The following DOCK3 variants were observed in gnomAD, a reference collection of about 807,000 sequenced individuals.
The protein encoded by DOCK3 is dedicator of cytokinesis protein 3.
Under a neutral mutation model 265.6 loss-of-function variants are expected in DOCK3, and 60 were observed. That is an observed-to-expected ratio of 0.23 (90% CI 0.18 to 0.28). DOCK3 has a LOEUF of 0.28. DOCK3 is among the 10% of genes least tolerant of loss of function. The pLI, the probability that DOCK3 is intolerant of heterozygous loss-of-function variation, is 1.00. For synonymous variants in DOCK3, 881 were observed against 938.0 expected, an observed-to-expected ratio of 0.94 and a Z score of 1.11; for missense variants, 1,981 against 2,594.3, an observed-to-expected ratio of 0.76 and a Z score of 5.14.
chr3:50,953,804 G>A (rs895055371), intron 5 of DOCK3, among the ~76,000 whole-genome samples: 2 of 152,078 alleles, frequency 1.3e-5, no homozygotes, highest in East Asian at 3.8e-4. Flanking sequence ...TTGGTAACTA[G>A]CACAGTTCAT....
intron 2 of DOCK3, among the ~76,000 whole-genome samples, chr3:50,824,122 ATT>A (rs1376077801): frequency 6.6e-6 from 1 of 152,208 alleles, no homozygotes; most frequent in East Asian, 1.9e-4. Flanking sequence ...TTTGAGAGCC[ATT>A]TACAAATTCT....
chr3:51,326,587 TTGTTG>T (rs1560441274), intron 32 of DOCK3, among the ~76,000 whole-genome samples: 4 of 6,990 alleles, frequency 5.7e-4, no homozygotes, highest in Non-Finnish European at 2.5e-3. Flanking sequence ...GCATGTTTTG[TTGTTG>T]TTGTTGTTGT....
At chr3:50,922,578 A>G (rs184862810) in intron 4 of DOCK3, among the ~76,000 whole-genome samples, 1 of 152,166 alleles carries the variant, frequency 6.6e-6, no homozygotes, top group African/African-American at 2.4e-5. Context: ...TGAACCCGGT[A>G]CCTCAATTGG....
chr3:50,812,071 G>A (rs1328974589), intron 2 of DOCK3, among the ~76,000 whole-genome samples: 2 of 152,182 alleles, frequency 1.3e-5, no homozygotes, highest in African/African-American at 2.4e-5. Context: ...TGCTGGTGGC[G>A]GTGAAACTTG....
rs1401601318 is a variant in DOCK3, at chr3:51,361,831, C to T, written c.5007-28C>T. ...CCTGCCACCTGCCATGGGCCTGACT[C>T]CTCCCTATTTCCCACTCTTGCTCAC... On this transcript the variant is annotated intron_variant, in intron 47 of 52. Transcript: ENST00000266037. This position sits in a 1 kb window ranked among gnomAD's most constrained non-coding sequence, Gnocchi z 4.2. The T allele has an allele frequency of 8.1e-6, 13 of 1,607,496 alleles. No homozygotes were observed. The Admixed American group carries it at 2.0e-4, about 25-fold the overall frequency.
Position 51,316,665 on chromosome 3 carries a change from T to C in DOCK3, c.3402+1537T>C, listed in dbSNP as rs539407074. Among the ~76,000 whole-genome samples the C allele has an allele frequency of 1.4e-3, 206 of 152,344 alleles. 1 individual carries two copies. The highest frequency in any genetic ancestry group is 0.01 in the Middle Eastern group (3 of 294). ...TGTTTTAGCCATTCTAATAGGTGTG[T>C]AGTTGTATATCATTGTGGTTTTCAT... On this transcript the variant is annotated intron_variant, in intron 32 of 52. Coordinates refer to ENST00000266037, the MANE Select transcript of DOCK3 (RefSeq NM_004947.5).
chr3:51,301,321 C>A lies in DOCK3; in HGVS notation c.2923-8911C>A, dbSNP rs1303633191. Among the ~76,000 whole-genome samples, 3 of 151,280 alleles carry A rather than the reference C, an allele frequency of 2.0e-5. No individual in the cohort carries two copies. In the East Asian group the frequency reaches 5.8e-4, roughly 29 times the overall value. ...TTCTTTATTAATCTAGCTAGCAGTC[C>A]ATTTATGTTATTAATTTTTTCAAAA... On this transcript the variant is annotated intron_variant, in intron 27 of 52. Coordinates refer to ENST00000266037, the MANE Select transcript of DOCK3 (RefSeq NM_004947.5).
At chr3:51,208,235 A>G (rs1171856766) in intron 12 of DOCK3, among the ~76,000 whole-genome samples, 1 of 152,224 alleles carries the variant, frequency 6.6e-6, no homozygotes, top group Non-Finnish European at 1.5e-5. Flanking sequence ...TGGTAAATCA[A>G]GCCCACTGCT....
intron 43 of DOCK3, 121 bp downstream of exon 43, chr3:51,356,614 C>T (rs1044284171): frequency 1.1e-6 from 1 of 943,478 alleles, no homozygotes; most frequent in African/African-American, 1.6e-5. Flanking sequence ...CCAAGGCTCC[C>T]ACAGGTCAAC....
At chr3:51,113,690 C>G (rs535066630) in intron 9 of DOCK3, among the ~76,000 whole-genome samples, 1 of 152,200 alleles carries the variant, frequency 6.6e-6, no homozygotes, top group South Asian at 2.1e-4. Context: ...TCCCTCATAC[C>G]CCAACACTGA....
chr3:51,347,356 T>G (rs2085658774), intron 38 of DOCK3, among the ~76,000 whole-genome samples: 1 of 152,226 alleles, frequency 6.6e-6, no homozygotes. Flanking sequence ...TTTCTACATA[T>G]GGCTAGCCAG....
At chr3:51,042,869 A>G (rs1283346875) in intron 5 of DOCK3, among the ~76,000 whole-genome samples, 1 of 152,180 alleles carries the variant, frequency 6.6e-6, no homozygotes, top group Non-Finnish European at 1.5e-5. Flanking sequence ...TAAAACACCT[A>G]GGAGTACAGC....
chr3:51,053,749 GT>G (rs1316341786), intron 5 of DOCK3, among the ~76,000 whole-genome samples: 11 of 151,990 alleles, frequency 7.2e-5, no homozygotes, highest in African/African-American at 2.7e-4. Context: ...CCAATGTTTA[GT>G]TGTTACTATG....
chr3:50,920,653 G>T (rs943218397), intron 4 of DOCK3, among the ~76,000 whole-genome samples: 1 of 151,900 alleles, frequency 6.6e-6, no homozygotes. Flanking sequence ...TTCTTTATTA[G>T]TCTTGCTAAC....
intron 4 of DOCK3, among the ~76,000 whole-genome samples, chr3:50,893,443 A>G (rs2048736925): frequency 6.6e-6 from 1 of 152,170 alleles, no homozygotes; most frequent in Non-Finnish European, 1.5e-5. Flanking sequence ...CAAAGAATCA[A>G]ACATAAATTC....
At chr3:51,360,158 C>T (rs1421630107) in intron 46 of DOCK3, among the ~76,000 whole-genome samples, 1 of 152,202 alleles carries the variant, frequency 6.6e-6, no homozygotes, top group Admixed American at 6.5e-5. Context: ...ATAATAAGCT[C>T]TTCCTCTCCT....
chr3:50,746,416 T>G (rs910943043), intron 1 of DOCK3, among the ~76,000 whole-genome samples: 11 of 152,108 alleles, frequency 7.2e-5, no homozygotes, highest in Admixed American at 7.2e-4. Context: ...GGATGATATC[T>G]AATTTATCAG....
intron 1 of DOCK3, among the ~76,000 whole-genome samples, chr3:50,734,665 T>C (rs9844618): frequency 0.9 from 130,900 of 144,756 alleles, 59,348 homozygotes; most frequent in African/African-American, 0.95. Context: ...TGCAGTGGTG[T>C]GATCTCGGCT....
At chr3:50,717,170 A>AT (rs1309689574) in intron 1 of DOCK3, among the ~76,000 whole-genome samples, 2 of 152,154 alleles carry the variant, frequency 1.3e-5, no homozygotes, top group Non-Finnish European at 2.9e-5. Flanking sequence ...CATTATGTAC[A>AT]TTTTTTGCTA....
Sources: gnomAD v4.1 joint callset for allele counts (sites outside exome capture counted in the v4.1 genomes callset) on GRCh38, gnomAD v4.1.1 for gene constraint, Gnocchi (gnomAD v3.1) non-coding constraint, MANE v1.5 for transcripts, NCBI Gene and HGNC (gene_info 2026-07-23, HGNC 2026-07-21) for gene names.